EPHX1: variants seen among roughly 807,000 people sequenced by gnomAD.
The protein encoded by EPHX1 is epoxide hydrolase 1, also known as epoxide hydratase.
A neutral mutation model predicts 43.2 loss-of-function variants in EPHX1; 40 were observed. That is an observed-to-expected ratio of 0.93 (90% confidence interval 0.72 to 1.21). EPHX1 has a LOEUF of 1.21. Among genes scored for constraint, EPHX1 ranks in the 50% most tolerant of loss-of-function variants. The pLI is 0.00. For missense variants in EPHX1, 550 were observed against 570.4 expected (o/e 0.96, Z 0.36); for synonymous variants, 221 against 226.7 (o/e 0.98, Z 0.22).
Position 225,839,366 on chromosome 1 carries a change from G to GGTT in EPHX1, c.722+22_722+23insTGT. ...GCCCAGGTGAGGTCACTGTTGGGGT[G>GGTT]GTGTGTGTGTGTGTGTGTGTGTGTG... On this transcript the variant is annotated intron_variant, in intron 5 of 8. Transcript: ENST00000272167. 1.3e-6 allele frequency: 2 copies of GGTT among 1,559,612 alleles called. No homozygotes were observed. The highest frequency in any genetic ancestry group is 8.7e-7 in the Non-Finnish European group (1 of 1,153,444).
At chr1:225,829,019 G>T (rs897116561) in intron 2 of EPHX1, 107 bp downstream of exon 2, 1 of 1,312,066 alleles carries the variant, frequency 7.6e-7, no homozygotes, top group Non-Finnish European at 1.1e-6. Flanking sequence ...GCTTGGGAAT[G>T]GTCCATCCTA....
rs1668502471 is a variant in EPHX1 at position 225,842,373 on chromosome 1, T to A, written c.939T>A (p.Ala313=). Residue 313 remains alanine (A), a synonymous_variant, in exon 7 of 9, where the codon GCT becomes GCA. Transcript: ENST00000272167. ...QCTKPDTVGS[A]LNDSPVGLAA... ...CTCCCCGCTCCCCGCCAGGCTCTGC[T>A]CTGAATGACTCTCCTGTGGGTCTGG... is the stretch of plus-strand genomic sequence containing the variant. The A allele has an allele frequency of 6.2e-7, 1 of 1,612,244 alleles. No homozygotes were observed. Among genetic ancestry groups the A allele is most frequent in the East Asian group, 2.2e-5 (1 of 44,872 alleles).
At chr1:225,816,282 G>A (rs1666722024) in intron 1 of EPHX1, among the ~76,000 whole-genome samples, 1 of 152,030 alleles carries the variant, frequency 6.6e-6, no homozygotes, top group South Asian at 2.1e-4. Flanking sequence ...AATAAAGCAA[G>A]GCTCTGTCTT....
In EPHX1 at chr1:225,831,686, T is replaced by C. The variant is rs565116787; in HGVS notation, c.184-93T>C. 56 of 1,301,324 alleles carry C rather than the reference T, an allele frequency of 4.3e-5. No individual in the cohort carries two copies. In the African/African-American group the frequency reaches 6.8e-4, roughly 16 times the overall value. The allele number at this position is 1,301,324 out of a possible 1,614,324, so 80.6% of individuals were successfully genotyped here. On this transcript the variant is annotated intron_variant, in intron 2 of 8. Transcript: ENST00000272167. ...CTCCCAGAGGGCAGTATCTTGTGGCTGCAGGGTTTGCTGTGTTTTCTGGAA... is the reference window on the plus strand; with the variant it reads ...CTCCCAGAGGGCAGTATCTTGTGGCCGCAGGGTTTGCTGTGTTTTCTGGAA...
At chr1:225,842,273 G>T in intron 6 of EPHX1, 93 bp from the exon 7 acceptor site, 1 of 960,218 alleles carries the variant, frequency 1.0e-6, no homozygotes. Flanking sequence ...ACACAGCCCC[G>T]CCCTCTGCGG....
At chr1:225,829,945 G>A (rs1667485299) in intron 2 of EPHX1, among the ~76,000 whole-genome samples, 1 of 152,046 alleles carries the variant, frequency 6.6e-6, no homozygotes, top group Non-Finnish European at 1.5e-5. Context: ...CATAGTGGCG[G>A]GCACCTATAA....
chr1:225,816,352 AG>A (rs923923437), intron 1 of EPHX1, among the ~76,000 whole-genome samples: 12 of 147,098 alleles, frequency 8.2e-5, no homozygotes, highest in East Asian at 3.9e-4. Context: ...GATTAAAAAA[AG>A]AGAATGTCAA....
At chr1:225,833,201 T>C (rs1318212153) in intron 3 of EPHX1, among the ~76,000 whole-genome samples, 5 of 152,248 alleles carry the variant, frequency 3.3e-5, no homozygotes, top group African/African-American at 1.2e-4. Context: ...GTTAGGAATC[T>C]TATTTTTAAT....
intron 7 of EPHX1, among the ~76,000 whole-genome samples, chr1:225,842,734 C>T (rs186565643): frequency 6.6e-6 from 1 of 152,226 alleles, no homozygotes; most frequent in Non-Finnish European, 1.5e-5. Context: ...GCTGAACAGG[C>T]CCCTCTGGGG....
At chr1:225,813,700 C>A (rs192061193) in intron 1 of EPHX1, among the ~76,000 whole-genome samples, 1 of 152,250 alleles carries the variant, frequency 6.6e-6, no homozygotes, top group Admixed American at 6.5e-5. Flanking sequence ...GCCTGACCTA[C>A]GGCATTCCAG....
At chr1:225,813,493 G>T (rs936653533) in intron 1 of EPHX1, among the ~76,000 whole-genome samples, 11 of 152,250 alleles carry the variant, frequency 7.2e-5, no homozygotes, top group African/African-American at 2.7e-4. Flanking sequence ...GGAGGAGCTG[G>T]TGGGCGCTCC....
chr1:225,830,627 G>A (rs1325132316), intron 2 of EPHX1, among the ~76,000 whole-genome samples: 2 of 152,092 alleles, frequency 1.3e-5, no homozygotes, highest in Non-Finnish European at 2.9e-5. Context: ...ACCATGCCTG[G>A]CTAATTTTTG....
chr1:225,842,250 C>T (rs967556579), intron 6 of EPHX1, 116 bp from the exon 7 acceptor site: 21 of 792,512 alleles, frequency 2.6e-5, no homozygotes, highest in South Asian at 1.7e-4. Flanking sequence ...TGTGCTCGAA[C>T]GTGGCTTCCT....
intron 1 of EPHX1, among the ~76,000 whole-genome samples, chr1:225,816,932 C>T (rs1666752521): frequency 6.6e-6 from 1 of 152,224 alleles, no homozygotes. Context: ...TTCCCTCCCA[C>T]ACAGAGGGCG....
rs138997223 is a variant in EPHX1 at position 225,821,075 on chromosome 1, C to A, written c.-5-7650C>A. ...TTCTTGGCACTTTAAAAACCACATT[C>A]AAATAACAGAAAAAGAGTTCATTTG... is the stretch of plus-strand genomic sequence containing the variant. On this transcript the variant is annotated intron_variant, in intron 1 of 8. Coordinates refer to ENST00000272167, the MANE Select transcript of EPHX1 (RefSeq NM_001136018.4). 3.2e-3 allele frequency among the ~76,000 whole-genome samples: 489 copies of A among 152,210 alleles called. 4 individuals carry two copies. The highest frequency in any genetic ancestry group is 0.011 in the African/African-American group (453 of 41,518).
At chr1:225,839,399 G>GTT in intron 5 of EPHX1, 53 bp downstream of exon 5, 1 of 1,584,928 alleles carries the variant, frequency 6.3e-7, no homozygotes. Context: ...GTGTGTGTGT[G>GTT]TGTCCTCTAA....
rs1559028540 is a variant in EPHX1 at position 225,845,213 on chromosome 1, TG to T, written c.1237del (p.Val413Ter). The T allele has an allele frequency of 1.2e-6, 2 of 1,614,148 alleles. No homozygotes were observed. The highest frequency in any genetic ancestry group is 1.3e-5 in the African/African-American group (1 of 75,044). ...TGAGCTATTGCACACGCCTGAAAAG[TG>T]GGTGAGGTTCAAGTACCCAAAGCTC... is the stretch of plus-strand genomic sequence containing the variant. ...PFELLHTPEK[W>X]VRFKYPKLIS... On this transcript the variant is annotated frameshift_variant, in exon 9 of 9. Transcript: ENST00000272167. LOFTEE classifies it high-confidence loss of function.
chr1:225,837,515 T>A (rs1041430224), intron 3 of EPHX1, among the ~76,000 whole-genome samples: 1 of 152,194 alleles, frequency 6.6e-6, no homozygotes, highest in Non-Finnish European at 1.5e-5. Flanking sequence ...AATCTTCCAC[T>A]TTATTTTATT....
intron 1 of EPHX1, among the ~76,000 whole-genome samples, chr1:225,824,389 T>G (rs1667128453): frequency 6.6e-6 from 1 of 152,164 alleles, no homozygotes; most frequent in African/African-American, 2.4e-5. Context: ...CAGATTCTAA[T>G]CCTCACAACT....
Sources: gnomAD v4.1 joint callset for allele counts (sites outside exome capture counted in the v4.1 genomes callset) on GRCh38, gnomAD v4.1.1 for gene constraint, MANE v1.5 for transcripts, NCBI Gene and HGNC (gene_info 2026-07-23, HGNC 2026-07-21) for gene names.